Variants in ZC3H12B observed in about 807,000 individuals in gnomAD.
The protein encoded by ZC3H12B is probable ribonuclease ZC3H12B.
In ZC3H12B, 7 loss-of-function variants were observed where a neutral mutation model predicts 43.9. The observed-to-expected ratio is 0.16, with a 90% CI of 0.09 to 0.30. The LOEUF (loss-of-function observed/expected upper bound fraction) is 0.30, where lower values mean the gene tolerates loss of function less well. Ranked by LOEUF, ZC3H12B falls within the 10% of genes least tolerant of loss-of-function variation. The pLI is 1.00. For missense variants in ZC3H12B, 475 were observed against 670.2 expected (o/e 0.71, Z 3.22); for synonymous variants, 222 against 241.7 (o/e 0.92, Z 0.76).
chrX:65,155,048 T>C, the ZC3H12B span, among the ~76,000 whole-genome samples: 5 of 108,829 alleles, frequency 4.6e-5, no homozygotes, highest in Non-Finnish European at 9.5e-5. Flanking sequence ...ATCTGCCTCC[T>C]AAGCTCAAGC....
the ZC3H12B span, among the ~76,000 whole-genome samples, chrX:65,140,141 T>A: frequency 4.5e-5 from 5 of 111,495 alleles, no homozygotes; most frequent in African/African-American, 1.6e-4. Flanking sequence ...AATAAAAGTG[T>A]TGACAGTAGG....
chrX:65,283,246 A>G, the ZC3H12B span, among the ~76,000 whole-genome samples: 1 of 112,179 alleles, frequency 8.9e-6, no homozygotes, highest in Middle Eastern at 4.6e-3. Context: ...CAATAGATGC[A>G]GAAAAGGCCT....
At chrX:65,338,905 A>G in the ZC3H12B span, among the ~76,000 whole-genome samples, 2 of 112,417 alleles carry the variant, frequency 1.8e-5, no homozygotes, top group African/African-American at 3.2e-5. Flanking sequence ...TACAGCCAGC[A>G]TCATACTGAA....
chrX:65,363,028 A>T (rs2066125269), upstream of ZC3H12B, among the ~76,000 whole-genome samples: 1 of 110,822 alleles, frequency 9.0e-6, no homozygotes, highest in African/African-American at 3.3e-5. Context: ...TTTCACTTGG[A>T]CTGACCCTGA....
chrX:65,177,824 AAT>A, the ZC3H12B span, among the ~76,000 whole-genome samples: 5 of 112,560 alleles, frequency 4.4e-5, no homozygotes, highest in South Asian at 1.8e-3. Context: ...AGGAAGAATC[AAT>A]ATCGTGAAAA....
intron 2 of ZC3H12B, among the ~76,000 whole-genome samples, chrX:65,394,933 G>T (rs1158188978): frequency 2.7e-5 from 3 of 111,165 alleles, no homozygotes; most frequent in Non-Finnish European, 5.7e-5. Flanking sequence ...CTTCTAAGCT[G>T]TTAAGTGGTA....
rs1484852907 is a variant in ZC3H12B, at chrX:65,398,307, T to G, written n.296-286T>G. On this transcript the variant is annotated intron_variant and non_coding_transcript_variant, in intron 2 of 5. Transcript: ENST00000617377. ...GGGGAACCATAACAGACCCAGAATA[T>G]CCAAAGCTATCCTGAGCAAAAAGAA... Among the ~76,000 whole-genome samples, 29 of 111,889 alleles carry G rather than the reference T, an allele frequency of 2.6e-4. No individual in the cohort carries two copies. The Admixed American group carries it at 2.7e-3, about 11-fold the overall frequency.
the ZC3H12B span, among the ~76,000 whole-genome samples, chrX:65,184,242 T>C: frequency 3.1e-4 from 35 of 111,624 alleles, no homozygotes; most frequent in Non-Finnish European, 6.2e-4. Flanking sequence ...CCATGTCTTA[T>C]ATTTTTTTTG....
chrX:65,347,154 C>T, the ZC3H12B span, among the ~76,000 whole-genome samples: 1 of 111,776 alleles, frequency 8.9e-6, no homozygotes, highest in Non-Finnish European at 1.9e-5. Flanking sequence ...CTGATACCCA[C>T]GCAAACAGGG....
chrX:65,190,070 C>T, the ZC3H12B span, among the ~76,000 whole-genome samples: 2 of 111,589 alleles, frequency 1.8e-5, no homozygotes, highest in African/African-American at 6.5e-5. Flanking sequence ...TTCCCCATTG[C>T]TTGTTTTTCT....
chrX:65,350,970 T>C, the ZC3H12B span, among the ~76,000 whole-genome samples: 1 of 112,011 alleles, frequency 8.9e-6, no homozygotes, highest in Admixed American at 9.5e-5. Context: ...AAAAAAATAC[T>C]ACTTTAAACT....
chrX:65,160,293 G>C, the ZC3H12B span, among the ~76,000 whole-genome samples: 1 of 111,862 alleles, frequency 8.9e-6, no homozygotes, highest in Non-Finnish European at 1.9e-5. Context: ...AGTTAGGGAG[G>C]ATTCCTTCTT....
At chrX:65,504,776 C>G (rs1245547586) in exon 5 of ZC3H12B, 1 of 112,850 alleles carries the variant, frequency 8.9e-6, no homozygotes. Context: ...AGCCATGTAT[C>G]CACTTTCTCT....
At chrX:65,388,001 G>A (rs1411392356) in intron 2 of ZC3H12B, among the ~76,000 whole-genome samples, 2 of 112,110 alleles carry the variant, frequency 1.8e-5, no homozygotes, top group African/African-American at 6.5e-5. Context: ...AGTTTCTGCC[G>A]AGATATCTGC....
chrX:65,145,116 A>T, the ZC3H12B span, among the ~76,000 whole-genome samples: 2 of 111,309 alleles, frequency 1.8e-5, no homozygotes, highest in Non-Finnish European at 3.8e-5. Context: ...TCTTAGGTCT[A>T]CTATTAATCG....
At chrX:65,452,494 A>G (rs2067529669) in intron 3 of ZC3H12B, among the ~76,000 whole-genome samples, 2 of 111,249 alleles carry the variant, frequency 1.8e-5, no homozygotes, top group South Asian at 7.5e-4. Flanking sequence ...AGACCTCTAC[A>G]AGGAAAACTA....
the ZC3H12B span, among the ~76,000 whole-genome samples, chrX:65,046,384 T>A: frequency 8.9e-6 from 1 of 112,303 alleles, no homozygotes; most frequent in African/African-American, 3.2e-5. Flanking sequence ...CACCACTTGA[T>A]GCCTCACCTT....
the ZC3H12B span, among the ~76,000 whole-genome samples, chrX:65,219,327 A>T: frequency 3.0e-4 from 34 of 112,130 alleles, no homozygotes; most frequent in Non-Finnish European, 5.1e-4. Flanking sequence ...GAATTGCCAA[A>T]AAAAGAATTC....
At chrX:65,358,278 A>G in the ZC3H12B span, among the ~76,000 whole-genome samples, 1 of 111,549 alleles carries the variant, frequency 9.0e-6, no homozygotes, top group Admixed American at 9.5e-5. Flanking sequence ...TCAATATGAG[A>G]CAGAAACTCA....
Sources: allele counts gnomAD v4.1 joint callset (sites outside exome capture counted in the v4.1 genomes callset), GRCh38; gene constraint gnomAD v4.1.1; transcripts MANE v1.5; gene names NCBI Gene and HGNC (gene_info 2026-07-23, HGNC 2026-07-21).